Variants in RTN1 observed in about 807,000 individuals in gnomAD.
RTN1 encodes reticulon-1.
RTN1 carries 25 observed loss-of-function variants against 65.5 expected under a neutral mutation model. The ratio of observed to expected loss-of-function variants is 0.38; its 90% confidence interval spans 0.28 to 0.53. The LOEUF (loss-of-function observed/expected upper bound fraction) is 0.53. Ranked by LOEUF, RTN1 falls within the 20% of genes least tolerant of loss-of-function variation. The pLI is 0.79. For synonymous variants in RTN1, 471 were observed against 447.6 expected (o/e 1.05, Z -0.66); for missense variants, 983 against 1,025.4 (o/e 0.96, Z 0.57).
chr14:59,604,162 C>A, intron 5 of RTN1: 1 of 263,512 alleles, frequency 3.8e-6, no homozygotes, highest in Non-Finnish European at 7.5e-6. Context: ...TAATAATCTA[C>A]GAAGCTGTGG....
In RTN1 at chr14:59,739,709, A is replaced by T. The variant is rs138592157; in HGVS notation, c.1015+5999T>A. Among the ~76,000 whole-genome samples the T allele has an allele frequency of 4.7e-3, 721 of 152,256 alleles. 2 individuals are homozygous for T. The highest frequency in any genetic ancestry group is 7.0e-3 in the Non-Finnish European group (479 of 68,006). On this transcript the variant is annotated intron_variant, in intron 2 of 8. Transcript: ENST00000267484. ...AGAGAAATCATTGACTTGGGGTCTG[A>T]TTCATGTGGTGAGTGAGAAAAAGAG... is the stretch of plus-strand genomic sequence containing the variant.
intron 1 of RTN1, among the ~76,000 whole-genome samples, chr14:59,777,816 CAACAACAAAAAA>C (rs1461134463): frequency 6.4e-5 from 7 of 109,270 alleles, no homozygotes; most frequent in African/African-American, 2.9e-4. Flanking sequence ...ACAACAACAA[CAACAACAAAAAA>C]AAAAAACAAA....
chr14:59,826,216 T>G (rs1887028127), intron 1 of RTN1, among the ~76,000 whole-genome samples: 1 of 152,222 alleles, frequency 6.6e-6, no homozygotes, highest in East Asian at 1.9e-4. Flanking sequence ...TCCTATGAAG[T>G]GCATTTGTAG....
intron 3 of RTN1, among the ~76,000 whole-genome samples, chr14:59,657,791 T>C (rs1028981915): frequency 6.6e-6 from 1 of 152,098 alleles, no homozygotes; most frequent in Admixed American, 6.5e-5. Flanking sequence ...ACCAGGGCCA[T>C]GGGTTTCAAG....
chr14:59,854,053 C>T (rs1025538594), intron 1 of RTN1, among the ~76,000 whole-genome samples: 2 of 151,694 alleles, frequency 1.3e-5, no homozygotes, highest in African/African-American at 4.8e-5. Flanking sequence ...TTAGTAGAGA[C>T]GAGGTTTCCC....
rs1004651545 is a variant in RTN1, at chr14:59,846,410, G to GCACACGTGTGTACACA, written c.241+23964_241+23979dup. On this transcript the variant is annotated intron_variant, in intron 1 of 8. Coordinates refer to ENST00000267484, the MANE Select transcript of RTN1 (RefSeq NM_021136.3). The surrounding 1 kb of genome is among the most constrained non-coding windows in gnomAD (Gnocchi z 4.8). The stretch of plus-strand genomic sequence containing the variant: ...AGCCCATGGATCAGAGTTGATGTAT[G>GCACACGTGTGTACACA]CACACGTGTGTACACACACACGTGT... Among the ~76,000 whole-genome samples, 19 of 152,038 alleles carry GCACACGTGTGTACACA rather than the reference G, an allele frequency of 1.2e-4. No homozygotes were observed. Among genetic ancestry groups the GCACACGTGTGTACACA allele is most frequent in the Admixed American group, 3.3e-4 (5 of 15,260 alleles).
intron 1 of RTN1, among the ~76,000 whole-genome samples, chr14:59,847,972 C>G (rs1239909477): frequency 6.6e-6 from 1 of 152,152 alleles, no homozygotes; most frequent in Non-Finnish European, 1.5e-5. Flanking sequence ...TGCTGGAGAC[C>G]TGAAATAATT....
chr14:59,801,618 G>T (rs151302207), intron 1 of RTN1, among the ~76,000 whole-genome samples: 129 of 152,236 alleles, frequency 8.5e-4, no homozygotes, highest in African/African-American at 3.1e-3. Flanking sequence ...AGACAGTTCT[G>T]CAGGAAGAAG....
intron 1 of RTN1, among the ~76,000 whole-genome samples, chr14:59,791,483 G>A (rs1291153218): frequency 6.6e-6 from 1 of 152,196 alleles, no homozygotes; most frequent in Non-Finnish European, 1.5e-5. Flanking sequence ...CGTTTGACAA[G>A]GGGTGTTAGA....
rs1451462974 is a variant in RTN1, at chr14:59,870,301, G to A, written c.241+89C>T. On this transcript the variant is annotated intron_variant, in intron 1 of 8. Transcript: ENST00000267484. The surrounding 1 kb of genome is among the most constrained non-coding windows in gnomAD (Gnocchi z 5.1). ...CGGCGCTCAAGGCAGAAAGCGCGAG[G>A]CAGGTGCCCAGGAGAGCCGCGCAGA... 1.1e-5 allele frequency: 14 copies of A among 1,278,872 alleles called. No homozygotes were observed. The highest frequency in any genetic ancestry group is 1.4e-5 in the Non-Finnish European group (14 of 999,832). The allele number at this position is 1,278,872 out of a possible 1,614,324, so 79.2% of individuals were successfully genotyped here.
intron 3 of RTN1, among the ~76,000 whole-genome samples, chr14:59,673,840 T>C (rs1883563950): frequency 6.6e-6 from 1 of 152,216 alleles, no homozygotes; most frequent in Admixed American, 6.5e-5. Context: ...TGTCTGTCTA[T>C]CTGACAGAAT....
Position 59,870,746 on chromosome 14 carries a change from GTC to G in RTN1, c.-118_-117del, listed in dbSNP as rs1887889922. Reference sequence around the variant, plus strand: ...ACTCGGCGCTCAGGGAAGCTGCGGTGTCTCAGCGTCGCCGCCGCCTCTGCTGC... The same window carrying G: ...ACTCGGCGCTCAGGGAAGCTGCGGTGTCAGCGTCGCCGCCGCCTCTGCTGC... On this transcript the variant is annotated 5_prime_UTR_variant, in exon 1 of 9. Transcript: ENST00000267484. The surrounding 1 kb of genome is among the most constrained non-coding windows in gnomAD (Gnocchi z 5.1). 7.8e-6 allele frequency: 9 copies of G among 1,156,282 alleles called. No individual in the cohort carries two copies. The highest frequency in any genetic ancestry group is 9.8e-6 in the Non-Finnish European group (9 of 914,586). 71.6% of individuals were successfully genotyped at this position (1,156,282 alleles called of 1,614,324 possible). A position where few individuals can be genotyped will look rare whatever the true frequency, so the allele number is the denominator to read the frequency against.
chr14:59,679,589 T>C (rs1208979399), intron 3 of RTN1, among the ~76,000 whole-genome samples: 1 of 152,200 alleles, frequency 6.6e-6, no homozygotes, highest in Admixed American at 6.5e-5. Flanking sequence ...AGGTGTTATA[T>C]TAGTAATCAC....
intron 3 of RTN1, among the ~76,000 whole-genome samples, chr14:59,621,153 T>A (rs1451642430): frequency 6.6e-6 from 1 of 152,228 alleles, no homozygotes; most frequent in African/African-American, 2.4e-5. Flanking sequence ...TCCAGAAAAG[T>A]AGGTATTTGA....
intron 1 of RTN1, among the ~76,000 whole-genome samples, chr14:59,783,899 T>G (rs1448482191): frequency 6.7e-6 from 1 of 148,786 alleles, no homozygotes; most frequent in African/African-American, 2.5e-5. Flanking sequence ...CCTTATAATT[T>G]TCCAATCTGG....
chr14:59,681,930 C>T lies in RTN1; in HGVS notation c.1765+44989G>A, dbSNP rs547401303. ...TTTAGTTTATAGTTTAGACCCTCGT[C>T]ACTGCTCACTAGATTTTTTTAGTGA... On this transcript the variant is annotated intron_variant, in intron 3 of 8. Transcript: ENST00000267484. 6.6e-5 allele frequency among the ~76,000 whole-genome samples: 10 copies of T among 152,304 alleles called. No homozygotes were observed. In the South Asian group the frequency reaches 1.2e-3, roughly 19 times the overall value.
In RTN1 at chr14:59,658,702, C is replaced by T. The variant is rs145399938; in HGVS notation, c.1766-51210G>A. 6.2e-3 allele frequency among the ~76,000 whole-genome samples: 937 copies of T among 152,256 alleles called. 10 individuals carry two copies. The highest frequency in any genetic ancestry group is 0.021 in the African/African-American group (890 of 41,556). On this transcript the variant is annotated intron_variant, in intron 3 of 8. Coordinates refer to ENST00000267484, the MANE Select transcript of RTN1 (RefSeq NM_021136.3). The stretch of plus-strand genomic sequence containing the variant: ...ATAGCATCAACATCAACAAAAAGGA[C>T]GTCCACACAAAAACTCCATCCGATG...
chr14:59,855,718 C>G (rs1256830132), intron 1 of RTN1, among the ~76,000 whole-genome samples: 1 of 152,184 alleles, frequency 6.6e-6, no homozygotes, highest in Non-Finnish European at 1.5e-5. Context: ...TCCACTCAGT[C>G]TCATCACTGA....
At chr14:59,648,761 A>G (rs894507425) in intron 3 of RTN1, among the ~76,000 whole-genome samples, 5 of 152,242 alleles carry the variant, frequency 3.3e-5, no homozygotes, top group Non-Finnish European at 7.3e-5. Context: ...AACTCTCAAT[A>G]AACTTTGTAT....
Sources: gnomAD v4.1 joint callset for allele counts (sites outside exome capture counted in the v4.1 genomes callset) on GRCh38, gnomAD v4.1.1 for gene constraint, Gnocchi (gnomAD v3.1) non-coding constraint, MANE v1.5 for transcripts, NCBI Gene and HGNC (gene_info 2026-07-23, HGNC 2026-07-21) for gene names.